Variants in SLC5A8 observed in about 807,000 individuals in gnomAD.
SLC5A8 encodes the protein sodium-coupled monocarboxylate transporter 1.
SLC5A8 carries 55 observed loss-of-function variants against 71.9 expected under a neutral mutation model. The ratio of observed to expected loss-of-function variants is 0.77; its 90% CI spans 0.62 to 0.96. The LOEUF is 0.96. Among genes scored for constraint, SLC5A8 ranks in the 40% least tolerant of loss-of-function variants. SLC5A8 has a pLI of 0.00. For synonymous variants in SLC5A8, 307 were observed against 276.1 expected (o/e 1.11, Z -1.11); for missense variants, 701 against 745.3 (o/e 0.94, Z 0.69).
At chr12:101,170,622 A>G (rs533493502) in intron 10 of SLC5A8, among the ~76,000 whole-genome samples, 189 of 152,276 alleles carry the variant, frequency 1.2e-3, no homozygotes, top group African/African-American at 4.2e-3. Flanking sequence ...AGGGCCAGGA[A>G]AGGAGCAGCC....
chr12:101,209,795 G>T lies in SLC5A8; in HGVS notation c.54C>A (p.Phe18Leu). Residue 18 changes from phenylalanine (F) to leucine (L), a missense_variant, in exon 1 of 15, where the codon TTC becomes TTA. By Grantham distance (22) the Phe-to-Leu change is conservative. Transcript: ENST00000536262. Reference sequence around the variant, plus strand: ...CGGCCGAGATGACCAGCATGCCCGCGAACACCACGTAGTCCCACACCACGA... The same window carrying T: ...CGGCCGAGATGACCAGCATGCCCGCTAACACCACGTAGTCCCACACCACGA... ...GTFVVWDYVVFAGMLVISAAI... is the reference protein window; with the variant it reads ...GTFVVWDYVVLAGMLVISAAI... 1 of 1,604,870 alleles carries T rather than the reference G, an allele frequency of 6.2e-7. No homozygotes were observed. Among genetic ancestry groups the T allele is most frequent in the South Asian group, 1.1e-5 (1 of 89,686 alleles).
intron 6 of SLC5A8, 61 bp from the exon 7 acceptor site, chr12:101,187,576 A>C: frequency 6.5e-7 from 1 of 1,534,234 alleles, no homozygotes; most frequent in Non-Finnish European, 8.8e-7. Context: ...AAGATTAGGA[A>C]ACCTGTTACA....
chr12:101,196,083 C>G (rs1404791841), intron 3 of SLC5A8, among the ~76,000 whole-genome samples: 1 of 152,114 alleles, frequency 6.6e-6, no homozygotes, highest in Non-Finnish European at 1.5e-5. Flanking sequence ...GTTCCTTGTA[C>G]AGATTATTTC....
chr12:101,195,406 G>A (rs1869125469), intron 3 of SLC5A8, among the ~76,000 whole-genome samples: 1 of 152,128 alleles, frequency 6.6e-6, no homozygotes, highest in Admixed American at 6.5e-5. Flanking sequence ...TCAATACATG[G>A]AAAGGCGTTT....
chr12:101,162,723 T>C (rs552611405), intron 12 of SLC5A8, among the ~76,000 whole-genome samples: 4 of 152,208 alleles, frequency 2.6e-5, no homozygotes, highest in East Asian at 1.9e-4. Context: ...AAGGGAACAA[T>C]AGACACTGGG....
chr12:101,183,115 G>A (rs1445260739), intron 8 of SLC5A8, among the ~76,000 whole-genome samples, 200 bp from the exon 9 acceptor site: 2 of 124,992 alleles, frequency 1.6e-5, no homozygotes, highest in East Asian at 2.7e-4. Context: ...GCATGATCTC[G>A]ACTCACTGCA....
rs566564516 is a variant in SLC5A8 at position 101,209,961 on chromosome 12, C to G, written c.-113G>C. The G allele has an allele frequency of 3.2e-4, 333 of 1,029,926 alleles. 1 individual carries two copies. Among genetic ancestry groups the G allele is most frequent in the Non-Finnish European group, 4.3e-4 (323 of 746,974 alleles). 63.8% of individuals were successfully genotyped at this position (1,029,926 alleles called of 1,614,324 possible). ...CCTGGCGCGCAGGCGTGGCGTCCCGCGGGGACTGGAGGCGTCCTCCAGGTG... is the reference window on the plus strand; with the variant it reads ...CCTGGCGCGCAGGCGTGGCGTCCCGGGGGGACTGGAGGCGTCCTCCAGGTG... On this transcript the variant is annotated 5_prime_UTR_variant, in exon 1 of 15. Transcript: ENST00000536262.
chr12:101,209,816 C>G lies in SLC5A8; in HGVS notation c.33G>C (p.Val11=). Residue 11 remains valine, a synonymous_variant, in exon 1 of 15, where the codon GTG becomes GTC. Transcript: ENST00000536262. ...CCGCGAACACCACGTAGTCCCACAC[C>G]ACGAAGGTGCCGATGCCCCGTGGCG... MDTPRGIGTF[V]VWDYVVFAGM... 6.3e-7 allele frequency: 1 copy of G among 1,581,728 alleles called. No individual in the cohort carries two copies. The highest frequency in any genetic ancestry group is 8.6e-7 in the Non-Finnish European group (1 of 1,161,562).
intron 7 of SLC5A8, among the ~76,000 whole-genome samples, chr12:101,186,192 A>T (rs1028019838): frequency 2.1e-5 from 3 of 143,536 alleles, no homozygotes; most frequent in East Asian, 2.1e-4. Context: ...GATTGATAAC[A>T]GTCACAAAAT....
In SLC5A8 at chr12:101,168,171, G is replaced by A. The variant is rs369405457; in HGVS notation, c.1245C>T (p.Ser415=). 118 of 1,604,454 alleles carry A rather than the reference G, an allele frequency of 7.4e-5. No individual in the cohort carries two copies. The highest frequency in any genetic ancestry group is 2.2e-4 in the East Asian group (10 of 44,718). The stretch of plus-strand genomic sequence containing the variant: ...GTGGTCCACCAACCATACCAAATAC[G>A]CTGAGTGCTGCCTACAAAAATAATA... ...LMGALLQAAL[S]VFGMVGGPLM... is the part of the protein sequence containing the mutation. The change falls in exon 11 of 15, where the codon AGC becomes AGT. Residue 415 remains serine (S), a synonymous_variant. Coordinates refer to ENST00000536262, the MANE Select transcript of SLC5A8 (RefSeq NM_145913.5).
At chr12:101,206,655 T>G (rs1247289870) in intron 1 of SLC5A8, among the ~76,000 whole-genome samples, 3 of 152,198 alleles carry the variant, frequency 2.0e-5, no homozygotes, top group Non-Finnish European at 4.4e-5. Flanking sequence ...CTAGACATAA[T>G]TACAGAGTAA....
chr12:101,209,412 G>A, intron 1 of SLC5A8, 86 bp downstream of exon 1: 10 of 990,286 alleles, frequency 1.0e-5, no homozygotes, highest in Non-Finnish European at 1.5e-5. Context: ...GGCAGTGACA[G>A]TCTGCCCCCA....
intron 3 of SLC5A8, chr12:101,199,523 C>CAATAAGCTAAGCCATAATAGTCTAAT (rs1340511914): frequency 1.4e-4 from 21 of 151,742 alleles, no homozygotes; most frequent in Non-Finnish European, 2.2e-4. Flanking sequence ...TTTCAGAAGC[C>CAATAAGCTAAGCCATAATAGTCTAAT]AATAAGCTAA....
In SLC5A8 at chr12:101,195,095, C is replaced by T; in HGVS notation, c.537G>A (p.Leu179=). 2.5e-6 allele frequency: 4 copies of T among 1,614,030 alleles called. No homozygotes were observed. Among genetic ancestry groups the T allele is most frequent in the Non-Finnish European group, 3.4e-6 (4 of 1,179,968 alleles). The change falls in exon 4 of 15, where the codon CTG becomes CTA. Residue 179 remains leucine (L), a splice_region_variant and synonymous_variant. Coordinates refer to ENST00000536262, the MANE Select transcript of SLC5A8 (RefSeq NM_145913.5). ...AAAGGGAAATATGTCCTGGACGTAC[C>T]AGTGTGCAGTAGAATGTGCAGACCA... ...TGVVCTFYCT[L]GGLKAVIWTD...
At chr12:101,189,560 A>G (rs1868809971) in intron 6 of SLC5A8, among the ~76,000 whole-genome samples, 1 of 152,142 alleles carries the variant, frequency 6.6e-6, no homozygotes, top group Admixed American at 6.5e-5. Flanking sequence ...CCTATTTATC[A>G]GCACAGGGAG....
intron 10 of SLC5A8, among the ~76,000 whole-genome samples, chr12:101,173,066 C>T (rs2051845441): frequency 6.6e-6 from 1 of 152,168 alleles, no homozygotes. Context: ...TTTGCCAGGC[C>T]TGAATAGCCA....
At chr12:101,195,464 C>T (rs1869128320) in intron 3 of SLC5A8, among the ~76,000 whole-genome samples, 1 of 152,058 alleles carries the variant, frequency 6.6e-6, no homozygotes, top group Non-Finnish European at 1.5e-5. Flanking sequence ...ATGGGTATTT[C>T]TTATCTCTCT....
Position 101,168,163 on chromosome 12 carries a change from C to T in SLC5A8, c.1253G>A (p.Gly418Asp), listed in dbSNP as rs142082741. ...GCCCATAAGTGGTCCACCAACCATACCAAATACGCTGAGTGCTGCCTACAA... is the reference window on the plus strand; with the variant it reads ...GCCCATAAGTGGTCCACCAACCATATCAAATACGCTGAGTGCTGCCTACAA... ...ALLQAALSVFGMVGGPLMGLF... is the reference protein window; with the variant it reads ...ALLQAALSVFDMVGGPLMGLF... The change falls in exon 11 of 15, where the codon GGT (glycine) becomes GAT (aspartate). Residue 418 changes from glycine to aspartate, a missense_variant. Coordinates refer to ENST00000536262, the MANE Select transcript of SLC5A8 (RefSeq NM_145913.5). 4.7e-5 allele frequency: 75 copies of T among 1,607,764 alleles called. No homozygotes were observed. The highest frequency in any genetic ancestry group is 6.0e-5 in the Non-Finnish European group (71 of 1,176,918).
At chr12:101,157,520 G>T in intron 14 of SLC5A8, 119 bp from the exon 15 acceptor site, 1 of 1,248,856 alleles carries the variant, frequency 8.0e-7, no homozygotes. Flanking sequence ...AATCTACTGA[G>T]GGAGAGAAAT....
Sources: gnomAD v4.1 joint callset for allele counts (sites outside exome capture counted in the v4.1 genomes callset) on GRCh38, gnomAD v4.1.1 for gene constraint, MANE v1.5 for transcripts, NCBI Gene and HGNC (gene_info 2026-07-23, HGNC 2026-07-21) for gene names.